CLTC: variants seen among roughly 807,000 people sequenced by gnomAD.
CLTC encodes clathrin heavy chain 1.
CLTC carries 16 observed loss-of-function variants against 195.8 expected under a neutral mutation model. The ratio of observed to expected loss-of-function variants is 0.08; its 90% CI spans 0.06 to 0.12. The LOEUF is 0.12. Ranked by LOEUF, CLTC falls within the 10% of genes least tolerant of loss-of-function variation. The probability of loss-of-function intolerance (pLI) is 1.00; values close to 1 mark genes in which losing one functional copy is unlikely to be tolerated. For missense variants in CLTC, 796 were observed against 2,027.0 expected, an observed-to-expected ratio of 0.39 and a Z score of 11.66; for synonymous variants, 667 against 689.4, an observed-to-expected ratio of 0.97 and a Z score of 0.51.
chr17:59,688,516 C>T (rs1449778169), intron 30 of CLTC, among the ~76,000 whole-genome samples: 2 of 151,306 alleles, frequency 1.3e-5, no homozygotes, highest in Non-Finnish European at 3.0e-5. Flanking sequence ...GACTTCTCTG[C>T]TTTTTTTTTG....
In CLTC at chr17:59,666,703, ATGTG is replaced by A; in HGVS notation, c.1947+61_1947+64del. ...GTTGTGATTAATAGGTACACTGAAA[ATGTG>A]TTTGTGGTACTAAATATTAATAATT... On this transcript the variant is annotated intron_variant, in intron 12 of 31. Coordinates refer to ENST00000269122, the MANE Select transcript of CLTC (RefSeq NM_004859.4). The surrounding 1 kb of genome is among the most constrained non-coding windows in gnomAD (Gnocchi z 4.9). 1.3e-6 allele frequency: 2 copies of A among 1,565,666 alleles called. No homozygotes were observed. Among genetic ancestry groups the A allele is most frequent in the Non-Finnish European group, 1.7e-6 (2 of 1,147,226 alleles).
intron 1 of CLTC, among the ~76,000 whole-genome samples, chr17:59,630,069 T>C (rs1474871389): frequency 6.6e-6 from 1 of 152,152 alleles, no homozygotes; most frequent in Non-Finnish European, 1.5e-5. Flanking sequence ...GGCGAGATCA[T>C]GGCTTACCAC....
At chr17:59,646,470 C>A (rs1206067418) in intron 2 of CLTC, among the ~76,000 whole-genome samples, 1 of 146,668 alleles carries the variant, frequency 6.8e-6, no homozygotes, top group East Asian at 2.2e-4. Flanking sequence ...TTTGTCCCCC[C>A]AGCACCCGAA....
chr17:59,662,761 G>A (rs2032639329), intron 8 of CLTC, among the ~76,000 whole-genome samples: 1 of 152,150 alleles, frequency 6.6e-6, no homozygotes, highest in Admixed American at 6.5e-5. Flanking sequence ...GCGAGTATTT[G>A]AGGTCCATCC....
chr17:59,685,004 T>C lies in CLTC; in HGVS notation c.4435-52T>C. 7.1e-7 allele frequency: 1 copy of C among 1,414,446 alleles called. No individual in the cohort carries two copies. The highest frequency in any genetic ancestry group is 2.3e-5 in the East Asian group (1 of 42,578). 87.6% of individuals were successfully genotyped at this position (1,414,446 alleles called of 1,614,324 possible). A position where few individuals can be genotyped will look rare whatever the true frequency, so the allele number is the denominator to read the frequency against. Reference sequence around the variant, plus strand: ...GGGCTCATTGATTGAGAACGGAATATAATGTTAAACAAAATACTGATCTGG... The same window carrying C: ...GGGCTCATTGATTGAGAACGGAATACAATGTTAAACAAAATACTGATCTGG... On this transcript the variant is annotated intron_variant, in intron 28 of 31. Transcript: ENST00000269122. This position sits in a 1 kb window ranked among gnomAD's most constrained non-coding sequence, Gnocchi z 5.0.
intron 30 of CLTC, chr17:59,689,130 G>A (rs927923027): frequency 1.3e-5 from 2 of 152,114 alleles, no homozygotes; most frequent in African/African-American, 4.8e-5. Flanking sequence ...GGATAATAGT[G>A]TATAAAAGTA....
intron 1 of CLTC, among the ~76,000 whole-genome samples, chr17:59,625,162 T>C (rs1472367481): frequency 6.6e-6 from 1 of 151,834 alleles, no homozygotes; most frequent in Non-Finnish European, 1.5e-5. Flanking sequence ...CAGGCTGGAG[T>C]GCAATGGTGG....
intron 1 of CLTC, among the ~76,000 whole-genome samples, chr17:59,633,580 A>G (rs1033504627): frequency 6.6e-5 from 10 of 152,240 alleles, no homozygotes; most frequent in African/African-American, 2.2e-4. Flanking sequence ...TAGACTGAGT[A>G]TGCCTTAAAT....
chr17:59,658,018 G>A (rs1323529029), intron 6 of CLTC, among the ~76,000 whole-genome samples: 1 of 152,074 alleles, frequency 6.6e-6, no homozygotes, highest in Non-Finnish European at 1.5e-5. Context: ...GACCAATATG[G>A]TGAAACCTCG....
chr17:59,692,798 G>A (rs1598250802), intron 31 of CLTC, among the ~76,000 whole-genome samples: 1 of 151,918 alleles, frequency 6.6e-6, no homozygotes, highest in Admixed American at 6.6e-5. Flanking sequence ...CACCACGCCC[G>A]GCTAATTTTT....
rs1306185086 is a variant in CLTC at position 59,694,357 on chromosome 17, C to T, written c.*505C>T. The T allele has an allele frequency of 1.8e-5, 4 of 223,630 alleles. No individual in the cohort carries two copies. The highest frequency in any genetic ancestry group is 1.3e-4 in the East Asian group (2 of 15,368). 13.9% of individuals were successfully genotyped at this position (223,630 alleles called of 1,614,324 possible). On this transcript the variant is annotated 3_prime_UTR_variant, in exon 32 of 32. Transcript: ENST00000269122. ...ACAAAGACAACACTAATCAGCACAT[C>T]GTACACTGGATTGCAGTGCTTCCCA...
At chr17:59,642,646 ATAAC>A (rs2032072379) in intron 1 of CLTC, among the ~76,000 whole-genome samples, 2 of 152,216 alleles carry the variant, frequency 1.3e-5, no homozygotes, top group Non-Finnish European at 2.9e-5. Context: ...AGGCTTTACT[ATAAC>A]TAAATACATT....
chr17:59,695,917 T>TAAGA lies in CLTC; in HGVS notation c.*2066_*2069dup, dbSNP rs748840028. 1.5e-5 allele frequency: 3 copies of TAAGA among 202,088 alleles called. No individual in the cohort carries two copies. Among genetic ancestry groups the TAAGA allele is most frequent in the African/African-American group, 2.3e-5 (1 of 43,550 alleles). The allele number at this position is 202,088 out of a possible 1,614,324, so 12.5% of individuals were successfully genotyped here. ...TCTGCAGAGTATACTTTGAAAACTA[T>TAAGA]AAGATTATGAGTTCTATAAAATACC... On this transcript the variant is annotated 3_prime_UTR_variant, in exon 32 of 32. Transcript: ENST00000269122.
chr17:59,677,482 A>G (rs1322477095), intron 17 of CLTC, among the ~76,000 whole-genome samples: 1 of 152,138 alleles, frequency 6.6e-6, no homozygotes, highest in Non-Finnish European at 1.5e-5. Flanking sequence ...CACACATACT[A>G]TTTTTTAACC....
In CLTC at chr17:59,663,943, G is replaced by A; in HGVS notation, c.1470G>A (p.Gln490=). Residue 490 remains glutamine, a synonymous_variant, in exon 9 of 32, where the codon CAG becomes CAA. Coordinates refer to ENST00000269122, the MANE Select transcript of CLTC (RefSeq NM_004859.4). The part of the protein sequence containing the change: ...LRANVPNKVI[Q]CFAETGQVQK... ...CTAACGTCCCAAATAAAGTCATTCA[G>A]TGCTTTGCAGAAACAGGTCAAGTCC... 6.2e-7 allele frequency: 1 copy of A among 1,613,906 alleles called. No individual in the cohort carries two copies. Among genetic ancestry groups the A allele is most frequent in the Non-Finnish European group, 8.5e-7 (1 of 1,179,908 alleles).
chr17:59,687,409 T>C (rs1219821818), intron 30 of CLTC, among the ~76,000 whole-genome samples: 6 of 152,126 alleles, frequency 3.9e-5, no homozygotes, highest in Non-Finnish European at 8.8e-5. Context: ...AAACAGCCTC[T>C]GGTTTTACTT....
intron 30 of CLTC, chr17:59,689,633 C>A (rs1242971438): frequency 6.6e-6 from 1 of 152,164 alleles, no homozygotes; most frequent in East Asian, 1.9e-4. Flanking sequence ...GGTTGAGAGA[C>A]CAGCTTTTAA....
chr17:59,685,028 G>A lies in CLTC; in HGVS notation c.4435-28G>A, dbSNP rs980629860. The A allele has an allele frequency of 5.4e-6, 8 of 1,482,170 alleles. No individual in the cohort carries two copies. The highest frequency in any genetic ancestry group is 7.2e-6 in the Non-Finnish European group (8 of 1,104,772). 91.8% of individuals were successfully genotyped at this position (1,482,170 alleles called of 1,614,324 possible). ...ATAATGTTAAACAAAATACTGATCT[G>A]GCATTTGGATGGCTTTTTTTTTTTA... On this transcript the variant is annotated intron_variant, in intron 28 of 31. Transcript: ENST00000269122. The surrounding 1 kb of genome is among the most constrained non-coding windows in gnomAD (Gnocchi z 5.0).
chr17:59,663,887 C>A lies in CLTC; in HGVS notation c.1414C>A (p.Pro472Thr). ...GGGTGATCTTGTGAAATCTGTGGACCCTACATTGGCACTTAGTGTGTACCT... is the reference window on the plus strand; with the variant it reads ...GGGTGATCTTGTGAAATCTGTGGACACTACATTGGCACTTAGTGTGTACCT... The part of the protein sequence containing the change: ...ELGDLVKSVD[P>T]TLALSVYLRA... The change falls in exon 9 of 32, where the codon CCT (proline) becomes ACT (threonine). Residue 472 changes from proline (P) to threonine (T), a missense_variant. Physicochemically the swap from Pro to Thr is conservative, Grantham distance 38. Transcript: ENST00000269122. 6.2e-7 allele frequency: 1 copy of A among 1,613,498 alleles called. No homozygotes were observed.
Sources: allele counts gnomAD v4.1 joint callset (sites outside exome capture counted in the v4.1 genomes callset), GRCh38; gene constraint gnomAD v4.1.1; non-coding constraint Gnocchi (gnomAD v3.1); transcripts MANE v1.5; gene names NCBI Gene and HGNC (gene_info 2026-07-23, HGNC 2026-07-21).